POLG2: variants seen among roughly 807,000 people sequenced by gnomAD.
The protein encoded by POLG2 is DNA polymerase gamma 2, accessory subunit, also known as DNA polymerase subunit gamma-2.
Under a neutral mutation model 56.5 loss-of-function variants are expected in POLG2, and 50 were observed. The observed-to-expected ratio is 0.88, with a 90% confidence interval of 0.71 to 1.12. POLG2 has a LOEUF of 1.12. Ranked by LOEUF, POLG2 falls within the 50% of genes most tolerant of loss-of-function variation. The probability of loss-of-function intolerance (pLI) is 0.00; values close to 1 mark genes in which losing one functional copy is unlikely to be tolerated. For missense variants in POLG2, 584 were observed against 583.3 expected (o/e 1.00, Z -0.01); for synonymous variants, 226 against 222.6 (o/e 1.02, Z -0.14).
chr17:64,496,508 C>T lies in POLG2; in HGVS notation c.461G>A (p.Arg154His). ...CAGCTCTTTGTCTTGCAAGATTTCG[C>T]GTAGAGTTTCTGCAGAAACTAACCT... is the stretch of plus-strand genomic sequence containing the variant. ...AFRLVSAETL[R>H]EILQDKELSK... The change falls in exon 1 of 8, where the codon CGC becomes CAC. Residue 154 changes from arginine (R) to histidine (H), a missense_variant. By Grantham distance (29) the Arg-to-His change is conservative. Transcript: ENST00000539111. 1 of 1,613,228 alleles carries T rather than the reference C, an allele frequency of 6.2e-7. No homozygotes were observed. Among genetic ancestry groups the T allele is most frequent in the Non-Finnish European group, 8.5e-7 (1 of 1,179,242 alleles).
intron 3 of POLG2, among the ~76,000 whole-genome samples, chr17:64,491,949 A>G (rs547661021): frequency 6.6e-6 from 1 of 151,850 alleles, no homozygotes; most frequent in Non-Finnish European, 1.5e-5. Context: ...CAAAAAAAAA[A>G]CCAAAAACAG....
chr17:64,495,949 T>C (rs1555669426), intron 1 of POLG2, among the ~76,000 whole-genome samples: 1 of 152,202 alleles, frequency 6.6e-6, no homozygotes, highest in Non-Finnish European at 1.5e-5. Flanking sequence ...CCTCAGGTGA[T>C]CCACCCGCCT....
At chr17:64,495,251 G>A (rs1329964287) in intron 1 of POLG2, among the ~76,000 whole-genome samples, 2 of 151,050 alleles carry the variant, frequency 1.3e-5, no homozygotes, top group Admixed American at 1.3e-4. Flanking sequence ...TTGCTTCTAG[G>A]AACTTTAAAC....
In POLG2 at chr17:64,494,809, C is replaced by T. The variant is rs557233382; in HGVS notation, c.562+1598G>A. On this transcript the variant is annotated intron_variant, in intron 1 of 7. Coordinates refer to ENST00000539111, the MANE Select transcript of POLG2 (RefSeq NM_007215.4). ...TTTTAGCACCATAAAGTGTTTCAAA[C>T]TCACCTTGTACTTTCCCTAACCCCA... Among the ~76,000 whole-genome samples, 5 of 152,182 alleles carry T rather than the reference C, an allele frequency of 3.3e-5. No individual in the cohort carries two copies. In the South Asian group the frequency reaches 8.3e-4, roughly 25 times the overall value.
Position 64,496,997 on chromosome 17 carries a change from CCCATCACTCAACGGATCCCAACAAG to C in POLG2, c.-54_-30del, listed in dbSNP as rs782071797. 1 of 1,586,078 alleles carries C rather than the reference CCCATCACTCAACGGATCCCAACAAG, an allele frequency of 6.3e-7. No homozygotes were observed. Among genetic ancestry groups the C allele is most frequent in the Non-Finnish European group, 8.6e-7 (1 of 1,166,422 alleles). On this transcript the variant is annotated 5_prime_UTR_variant, in exon 1 of 8. It removes an upstream start codon present in the reference 5' UTR. Coordinates refer to ENST00000539111, the MANE Select transcript of POLG2 (RefSeq NM_007215.4). ...TCTCCGAAGTTAAAGAGCACACTCT[CCCATCACTCAACGGATCCCAACAAG>C]CCACCACTACCGTTAACAGAATCCG...
chr17:64,485,766 C>T lies in POLG2; in HGVS notation c.1072G>A (p.Glu358Lys). The stretch of plus-strand genomic sequence containing the variant: ...TTTTTCTTTCTTGTAAAGGAGTTCT[C>T]TGTCAGCTGGAAAGAATCATAGAGG... ...AYLYDSFQLT[E>K]NSFTRKKNLH... is the part of the protein sequence containing the mutation. The change falls in exon 5 of 8, where the codon GAG becomes AAG. Residue 358 changes from glutamate (E) to lysine (K), a missense_variant. Physicochemically the swap from Glu to Lys is moderately conservative, Grantham distance 56. Coordinates refer to ENST00000539111, the MANE Select transcript of POLG2 (RefSeq NM_007215.4). 6.2e-7 allele frequency: 1 copy of T among 1,613,316 alleles called. No homozygotes were observed. The highest frequency in any genetic ancestry group is 2.2e-5 in the East Asian group (1 of 44,884).
intron 3 of POLG2, among the ~76,000 whole-genome samples, 171 bp downstream of exon 3, chr17:64,492,496 A>G (rs1358733777): frequency 6.6e-6 from 1 of 152,266 alleles, no homozygotes; most frequent in Non-Finnish European, 1.5e-5. Context: ...TTACCAAAGT[A>G]ACTTTGTAAT....
At chr17:64,492,078 C>A (rs1478818497) in intron 3 of POLG2, among the ~76,000 whole-genome samples, 1 of 152,040 alleles carries the variant, frequency 6.6e-6, no homozygotes, top group Non-Finnish European at 1.5e-5. Context: ...ACTTTTATGG[C>A]CAATGAAGAG....
At chr17:64,495,533 C>T (rs990831618) in intron 1 of POLG2, among the ~76,000 whole-genome samples, 2 of 152,110 alleles carry the variant, frequency 1.3e-5, no homozygotes, top group Non-Finnish European at 2.9e-5. Context: ...GCCATGATCA[C>T]ACCACTGCAC....
chr17:64,480,291 C>T lies in POLG2; in HGVS notation c.1290G>A (p.Ser430=), dbSNP rs1318108547. Residue 430 remains serine, a splice_region_variant and synonymous_variant, in exon 7 of 8, where the codon TCG becomes TCA. Coordinates refer to ENST00000539111, the MANE Select transcript of POLG2 (RefSeq NM_007215.4). Reference sequence around the variant, plus strand: ...TTTAATGAAAATACAATTCTTACTTCGAATAAAGTTGTTCCAATGAGGACT... The same window carrying T: ...TTTAATGAAAATACAATTCTTACTTTGAATAAAGTTGTTCCAATGAGGACT... The part of the protein sequence containing the change: ...TMQSSLEQLY[S]KYDEMSILFT... 7.5e-6 allele frequency: 11 copies of T among 1,475,610 alleles called. No individual in the cohort carries two copies. The highest frequency in any genetic ancestry group is 1.7e-4 in the Middle Eastern group (1 of 5,752). The allele number at this position is 1,475,610 out of a possible 1,614,324, so 91.4% of individuals were successfully genotyped here. A position where few individuals can be genotyped will look rare whatever the true frequency, so the allele number is the denominator to read the frequency against.
chr17:64,493,027 A>G lies in POLG2; in HGVS notation c.563-6T>C, dbSNP rs782269804. The G allele has an allele frequency of 8.1e-6, 13 of 1,614,126 alleles. No individual in the cohort carries two copies. In the Admixed American group the frequency reaches 1.5e-4, roughly 19 times the overall value. On this transcript the variant is annotated splice_polypyrimidine_tract_variant and splice_region_variant and intron_variant, in intron 1 of 7. Coordinates refer to ENST00000539111, the MANE Select transcript of POLG2 (RefSeq NM_007215.4). ...AACATAGTGTTCCAAGGCACCTGTC[A>G]AAAGATAAATCAATCATTGTATACA...
At chr17:64,482,096 CTTT>C (rs1185623297) in intron 6 of POLG2, among the ~76,000 whole-genome samples, 23 of 116,040 alleles carry the variant, frequency 2.0e-4, no homozygotes, top group Non-Finnish European at 3.6e-4. Context: ...TTAATTAAAG[CTTT>C]TTTTTTTTTT....
At chr17:64,491,471 C>A in intron 3 of POLG2, 1 of 1,123,956 alleles carries the variant, frequency 8.9e-7, no homozygotes, top group Non-Finnish European at 1.3e-6. Flanking sequence ...GATTGTGCAA[C>A]GGCAGTCCAG....
At chr17:64,478,107 G>A in intron 7 of POLG2, 119 bp from the exon 8 acceptor site, 2 of 1,005,820 alleles carry the variant, frequency 2.0e-6, no homozygotes, top group Non-Finnish European at 3.0e-6. Context: ...CAGGGCTTAA[G>A]GGTGGACCAA....
At chr17:64,490,501 C>T (rs1368347088) in intron 4 of POLG2, 3 of 380,694 alleles carry the variant, frequency 7.9e-6, no homozygotes, top group Non-Finnish European at 1.5e-5. Flanking sequence ...AGGAATTGTT[C>T]ATTTGAAGGA....
intron 4 of POLG2, chr17:64,490,516 A>G (rs2038039689): frequency 4.7e-6 from 2 of 421,918 alleles, no homozygotes; most frequent in Admixed American, 7.5e-5. Context: ...GAAGGAGTGT[A>G]AAGGCATATG....
chr17:64,486,361 C>CTT (rs56703110), intron 4 of POLG2, among the ~76,000 whole-genome samples: 42 of 141,302 alleles, frequency 3.0e-4, no homozygotes, highest in African/African-American at 7.7e-4. Flanking sequence ...AAAGGTAACA[C>CTT]TTTTTTTTTT....
At chr17:64,496,246 G>A (rs1315672060) in intron 1 of POLG2, among the ~76,000 whole-genome samples, 161 bp downstream of exon 1, 3 of 152,114 alleles carry the variant, frequency 2.0e-5, no homozygotes, top group Non-Finnish European at 4.4e-5. Flanking sequence ...GTTTTCTCCA[G>A]GGTAGAGCAC....
chr17:64,495,456 T>TG (rs2038135618), intron 1 of POLG2, among the ~76,000 whole-genome samples: 1 of 151,872 alleles, frequency 6.6e-6, no homozygotes, highest in African/African-American at 2.4e-5. Flanking sequence ...GGCATGTGCC[T>TG]GTAGTCCAGC....
Sources: gnomAD v4.1 joint callset for allele counts (sites outside exome capture counted in the v4.1 genomes callset) on GRCh38, gnomAD v4.1.1 for gene constraint, MANE v1.5 for transcripts, NCBI Gene and HGNC (gene_info 2026-07-23, HGNC 2026-07-21) for gene names.